The following RBFOX1 variants were observed in gnomAD, a reference collection of about 807,000 sequenced individuals.
RBFOX1 encodes the protein RNA binding protein fox-1 homolog 1.
Under a neutral mutation model 57.7 loss-of-function variants are expected in RBFOX1, and 8 were observed. The observed-to-expected ratio is 0.14, with a 90% CI of 0.08 to 0.25. The LOEUF (loss-of-function observed/expected upper bound fraction) is 0.25, where lower values mean the gene tolerates loss of function less well. RBFOX1 is among the 10% of genes least tolerant of loss of function. RBFOX1 has a pLI of 1.00. For synonymous variants in RBFOX1, 326 were observed against 222.4 expected (o/e 1.47, Z -4.15); for missense variants, 611 against 548.5 (o/e 1.11, Z -1.14).
At chr16:6,219,428 G>A (rs1244839553) in intron 1 of RBFOX1, among the ~76,000 whole-genome samples, 1 of 152,284 alleles carries the variant, frequency 6.6e-6, no homozygotes, top group Middle Eastern at 3.4e-3. Flanking sequence ...AGCCTGGGCA[G>A]CATAACTGAG....
At chr16:5,333,110 C>G (rs765871601) in intron 1 of RBFOX1, among the ~76,000 whole-genome samples, 18 of 151,730 alleles carry the variant, frequency 1.2e-4, no homozygotes, top group Non-Finnish European at 2.4e-4. Flanking sequence ...ATCGCTTGAA[C>G]CCAGGAGGTG....
chr16:5,920,298 GTACATTA>G (rs1567148620), intron 4 of RBFOX1, among the ~76,000 whole-genome samples: 21 of 151,964 alleles, frequency 1.4e-4, no homozygotes. Context: ...CCTTTTTATT[GTACATTA>G]CCCATATAAT....
chr16:6,151,477 G>A (rs1418041500), intron 1 of RBFOX1, among the ~76,000 whole-genome samples: 1 of 152,014 alleles, frequency 6.6e-6, no homozygotes, highest in Non-Finnish European at 1.5e-5. Context: ...GTAGAGATGG[G>A]GTTTCACCAT....
intron 1 of RBFOX1, among the ~76,000 whole-genome samples, chr16:5,351,158 G>A (rs1424987848): frequency 6.6e-6 from 1 of 152,326 alleles, no homozygotes; most frequent in Middle Eastern, 3.4e-3. Flanking sequence ...ATGGGAGTCA[G>A]ACTGTTGACT....
intron 3 of RBFOX1, among the ~76,000 whole-genome samples, chr16:5,637,201 G>T (rs1460518058): frequency 6.6e-6 from 1 of 152,210 alleles, no homozygotes; most frequent in Non-Finnish European, 1.5e-5. Flanking sequence ...CGCTGAGAAA[G>T]AAGCAAATCA....
At chr16:6,773,079 A>AAG (rs1603619338) in intron 3 of RBFOX1, among the ~76,000 whole-genome samples, 2 of 62,058 alleles carry the variant, frequency 3.2e-5, no homozygotes, top group African/African-American at 1.3e-4. Context: ...GTGTGTGTAT[A>AAG]TGTATGTGTG....
chr16:7,156,512 C>CATGCATGTAGATATATATGTGTACAT (rs1248759920), intron 4 of RBFOX1, among the ~76,000 whole-genome samples: 68 of 152,052 alleles, frequency 4.5e-4, no homozygotes, highest in African/African-American at 1.6e-3. Context: ...TACATGTACA[C>CATGCATGTAGATATATATGTGTACAT]ATGCATGTAG....
chr16:7,613,970 G>T (rs1009496949), intron 10 of RBFOX1, among the ~76,000 whole-genome samples: 1 of 152,202 alleles, frequency 6.6e-6, no homozygotes, highest in Non-Finnish European at 1.5e-5. Context: ...AGCATGCCCT[G>T]TTTGGGATGA....
chr16:7,699,195 C>A (rs934632662), intron 14 of RBFOX1, among the ~76,000 whole-genome samples: 1 of 152,120 alleles, frequency 6.6e-6, no homozygotes, highest in Non-Finnish European at 1.5e-5. Flanking sequence ...AATCAGGGAC[C>A]TTTTCTCTTT....
At chr16:6,245,070 C>A (rs935796800) in intron 1 of RBFOX1, among the ~76,000 whole-genome samples, 1 of 152,058 alleles carries the variant, frequency 6.6e-6, no homozygotes, top group Non-Finnish European at 1.5e-5. Context: ...GGTTTCTTGG[C>A]AGAAGCTATA....
At chr16:6,488,587 A>C (rs558452180) in intron 2 of RBFOX1, among the ~76,000 whole-genome samples, 1 of 152,294 alleles carries the variant, frequency 6.6e-6, no homozygotes, top group South Asian at 2.1e-4. Flanking sequence ...ATTAGACTGC[A>C]AATTTTTCTG....
chr16:7,397,103 G>A (rs931722953), intron 4 of RBFOX1, among the ~76,000 whole-genome samples: 4 of 152,086 alleles, frequency 2.6e-5, no homozygotes, highest in Non-Finnish European at 5.9e-5. Flanking sequence ...ATTTTTTTCA[G>A]TGCATGAGTG....
intron 2 of RBFOX1, among the ~76,000 whole-genome samples, chr16:5,473,499 G>T (rs926134833): frequency 2.0e-5 from 3 of 151,890 alleles, no homozygotes; most frequent in Admixed American, 6.6e-5. Context: ...ACCTTGTGTA[G>T]TACTTAGTAG....
intron 4 of RBFOX1, among the ~76,000 whole-genome samples, chr16:7,272,426 C>T (rs980508912): frequency 2.6e-5 from 4 of 152,166 alleles, no homozygotes. Context: ...CTCAGTGATC[C>T]ACCTGCCTCA....
intron 1 of RBFOX1, among the ~76,000 whole-genome samples, chr16:5,320,991 C>G (rs904861481): frequency 3.9e-5 from 6 of 152,326 alleles, no homozygotes; most frequent in South Asian, 2.1e-4. Context: ...TGTCTATAGT[C>G]AGATGCTTTT....
chr16:7,408,105 GAACACAACACTC>G (rs1315081873), intron 4 of RBFOX1, among the ~76,000 whole-genome samples: 1 of 152,158 alleles, frequency 6.6e-6, no homozygotes, highest in Admixed American at 6.5e-5. Context: ...TGATTAACCA[GAACACAACACTC>G]TCACAACATG....
intron 1 of RBFOX1, 64 bp from the exon 2 acceptor site, chr16:6,316,931 A>G: frequency 7.0e-7 from 1 of 1,423,350 alleles, no homozygotes; most frequent in Non-Finnish European, 9.5e-7. Flanking sequence ...TGACAAAAAA[A>G]GTGCGGACAA....
chr16:7,349,894 C>T (rs964240982), intron 4 of RBFOX1, among the ~76,000 whole-genome samples: 3 of 152,142 alleles, frequency 2.0e-5, no homozygotes, highest in African/African-American at 7.2e-5. Flanking sequence ...TGCTTGTAAT[C>T]CCAACACTTT....
chr16:7,364,761 C>T (rs376612362), intron 4 of RBFOX1, among the ~76,000 whole-genome samples: 1 of 152,126 alleles, frequency 6.6e-6, no homozygotes, highest in East Asian at 1.9e-4. Flanking sequence ...TAGTTGTGTT[C>T]TCTCTCTAAG....
Sources: allele counts gnomAD v4.1 joint callset (sites outside exome capture counted in the v4.1 genomes callset), GRCh38; gene constraint gnomAD v4.1.1; transcripts MANE v1.5; gene names NCBI Gene and HGNC (gene_info 2026-07-23, HGNC 2026-07-21).